TAMM41: variants seen among roughly 807,000 people sequenced by gnomAD.
TAMM41 encodes the protein TAM41 mitochondrial translocator assembly and maintenance homolog.
In TAMM41, 36 loss-of-function variants were observed where a neutral mutation model predicts 44.1. The observed-to-expected ratio is 0.82, with a 90% CI of 0.63 to 1.08. The LOEUF is 1.08. Ranked by LOEUF, TAMM41 falls within the 50% of genes least tolerant of loss-of-function variation. The pLI is 0.00. For synonymous variants in TAMM41, 164 were observed against 153.1 expected, an observed-to-expected ratio of 1.07 and a Z score of -0.53; for missense variants, 417 against 404.3, an observed-to-expected ratio of 1.03 and a Z score of -0.27.
chr3:11,830,441 A>G (rs1255856063), intron 3 of TAMM41, among the ~76,000 whole-genome samples: 1 of 152,232 alleles, frequency 6.6e-6, no homozygotes, highest in Non-Finnish European at 1.5e-5. Flanking sequence ...AATGATTTGC[A>G]TCAAAGAATC....
chr3:11,728,066 C>T, the TAMM41 span, among the ~76,000 whole-genome samples: 2 of 152,014 alleles, frequency 1.3e-5, no homozygotes, highest in African/African-American at 4.8e-5. Flanking sequence ...GGATTACAGG[C>T]GTGAGCCACC....
intron 2 of TAMM41, among the ~76,000 whole-genome samples, chr3:11,839,606 A>G (rs2079344367): frequency 1.3e-5 from 2 of 152,254 alleles, no homozygotes; most frequent in South Asian, 4.1e-4. Flanking sequence ...CCAGCCTCAC[A>G]GGCTGGCTAT....
chr3:11,771,247 T>C, the TAMM41 span: 1 of 152,180 alleles, frequency 6.6e-6, no homozygotes, highest in Non-Finnish European at 1.5e-5. Context: ...GCTCACCTGG[T>C]GAGTCACCCT....
At chr3:11,734,259 C>G in the TAMM41 span, among the ~76,000 whole-genome samples, 1 of 152,110 alleles carries the variant, frequency 6.6e-6, no homozygotes, top group African/African-American at 2.4e-5. Flanking sequence ...AAAGGTGATC[C>G]TTAACCAAAA....
the TAMM41 span, among the ~76,000 whole-genome samples, chr3:11,753,604 G>A: frequency 6.6e-6 from 1 of 152,002 alleles, no homozygotes; most frequent in Admixed American, 6.6e-5. Context: ...GGGCGTGGTG[G>A]CGGGCGCCTG....
the TAMM41 span, among the ~76,000 whole-genome samples, chr3:11,758,159 G>GACGATCCCAGTTGT: frequency 6.6e-6 from 1 of 152,200 alleles, no homozygotes; most frequent in Non-Finnish European, 1.5e-5. Flanking sequence ...CAGGAATGGA[G>GACGATCCCAGTTGT]ACGATCCCAG....
downstream of TAMM41, chr3:11,790,322 C>T (rs917658959): frequency 1.9e-5 from 12 of 624,732 alleles, no homozygotes; most frequent in African/African-American, 2.0e-4. Context: ...TGATGCTAAG[C>T]CCTCTAATAT....
the TAMM41 span, among the ~76,000 whole-genome samples, chr3:11,768,612 G>A: frequency 0.16 from 24,244 of 152,188 alleles, 2,037 homozygotes; most frequent in Middle Eastern, 0.18. Context: ...AGAGAAGAAG[G>A]AGAAACCAGT....
chr3:11,824,541 G>A (rs1206378712), intron 4 of TAMM41, among the ~76,000 whole-genome samples: 3 of 151,780 alleles, frequency 2.0e-5, no homozygotes, highest in East Asian at 3.9e-4. Context: ...TGATCCATCC[G>A]CCTCCACCTC....
chr3:11,744,876 T>TC, the TAMM41 span, among the ~76,000 whole-genome samples: 9 of 151,434 alleles, frequency 5.9e-5, no homozygotes, highest in Admixed American at 3.9e-4. Flanking sequence ...GTAATTTTTT[T>TC]TTTTTGAGAT....
At chr3:11,782,618 G>A in the TAMM41 span, among the ~76,000 whole-genome samples, 1 of 152,032 alleles carries the variant, frequency 6.6e-6, no homozygotes, top group South Asian at 2.1e-4. Flanking sequence ...ATTAAGTGAG[G>A]CTGTTTACAT....
chr3:11,740,182 G>C, the TAMM41 span, among the ~76,000 whole-genome samples: 4 of 152,052 alleles, frequency 2.6e-5, no homozygotes, highest in Admixed American at 6.6e-5. Context: ...CCCACCATTG[G>C]ACAGAAAATA....
At chr3:11,764,593 C>T in the TAMM41 span, among the ~76,000 whole-genome samples, 2 of 147,498 alleles carry the variant, frequency 1.4e-5, no homozygotes, top group African/African-American at 2.5e-5. Context: ...CCCACGTTCA[C>T]GCCATTCTCC....
chr3:11,804,026 C>A (rs933765675), intron 7 of TAMM41, among the ~76,000 whole-genome samples: 5 of 152,044 alleles, frequency 3.3e-5, no homozygotes, highest in African/African-American at 1.2e-4. Context: ...GCCCAGACTT[C>A]ACCATGTAAG....
chr3:11,741,374 T>A, the TAMM41 span, among the ~76,000 whole-genome samples: 588 of 149,586 alleles, frequency 3.9e-3, 59 homozygotes, highest in African/African-American at 0.014. Flanking sequence ...ACAAGGGCAC[T>A]GAATCCCATT....
intron 3 of TAMM41, among the ~76,000 whole-genome samples, chr3:11,836,944 T>TA (rs1475601886): frequency 6.6e-5 from 10 of 152,264 alleles, no homozygotes; most frequent in African/African-American, 1.9e-4. Context: ...TTCTGGACTT[T>TA]AAAAAATGTT....
chr3:11,765,909 C>T, the TAMM41 span, among the ~76,000 whole-genome samples: 1 of 152,036 alleles, frequency 6.6e-6, no homozygotes, highest in African/African-American at 2.4e-5. Flanking sequence ...GCCATGTTAG[C>T]CAGGCTGGTC....
chr3:11,828,559 T>C (rs1412768121), intron 4 of TAMM41, among the ~76,000 whole-genome samples: 1 of 152,200 alleles, frequency 6.6e-6, no homozygotes, highest in African/African-American at 2.4e-5. Context: ...GTAATCACTC[T>C]AATAAAGTGA....
intron 2 of TAMM41, among the ~76,000 whole-genome samples, chr3:11,839,603 C>G (rs1383078498): frequency 6.6e-6 from 1 of 152,216 alleles, no homozygotes; most frequent in Non-Finnish European, 1.5e-5. Flanking sequence ...CTGCCAGCCT[C>G]ACAGGCTGGC....
Sources: gnomAD v4.1 joint callset for allele counts (sites outside exome capture counted in the v4.1 genomes callset) on GRCh38, gnomAD v4.1.1 for gene constraint, MANE v1.5 for transcripts, NCBI Gene and HGNC (gene_info 2026-07-23, HGNC 2026-07-21) for gene names.